Variants in NRXN3 observed in about 807,000 individuals in gnomAD.
The protein encoded by NRXN3 is neurexin 3.
A neutral mutation model predicts 137.6 loss-of-function variants in NRXN3; 32 were observed. The ratio of observed to expected loss-of-function variants is 0.23; its 90% confidence interval spans 0.18 to 0.31. NRXN3 has a LOEUF of 0.31. Among genes scored for constraint, NRXN3 ranks in the 10% least tolerant of loss-of-function variants. The pLI is 1.00. For missense variants in NRXN3, 1,574 were observed against 2,062.5 expected (o/e 0.76, Z 4.59); for synonymous variants, 798 against 784.5 (o/e 1.02, Z -0.29).
chr14:79,389,280 A>G (rs2094758075), intron 15 of NRXN3, among the ~76,000 whole-genome samples: 1 of 152,210 alleles, frequency 6.6e-6, no homozygotes, highest in African/African-American at 2.4e-5. Flanking sequence ...CATCTGGCAA[A>G]GGCTTTCTTG....
At chr14:79,292,442 T>G (rs1482694338) in intron 15 of NRXN3, among the ~76,000 whole-genome samples, 2 of 152,212 alleles carry the variant, frequency 1.3e-5, no homozygotes, top group Non-Finnish European at 2.9e-5. Flanking sequence ...CTTATGATTT[T>G]AGGCAAGCAA....
chr14:79,007,457 CT>C (rs34955421), intron 15 of NRXN3, among the ~76,000 whole-genome samples: 53,692 of 146,320 alleles, frequency 0.37, 10,201 homozygotes, highest in Admixed American at 0.47. Flanking sequence ...AAGTCATGAA[CT>C]TTTTTTTTTT....
intron 4 of NRXN3, among the ~76,000 whole-genome samples, chr14:78,465,437 A>G (rs995576157): frequency 6.6e-5 from 10 of 152,240 alleles, no homozygotes; most frequent in Non-Finnish European, 4.4e-5. Context: ...AACTAGATCT[A>G]TAATATTATC....
At chr14:78,227,101 T>A (rs1368770200) in intron 1 of NRXN3, among the ~76,000 whole-genome samples, 1 of 152,246 alleles carries the variant, frequency 6.6e-6, no homozygotes, top group Admixed American at 6.5e-5. Context: ...GGTACCATGA[T>A]TAATTAATGA....
intron 17 of NRXN3, among the ~76,000 whole-genome samples, chr14:79,668,852 G>T (rs1264245872): frequency 6.6e-6 from 1 of 152,080 alleles, no homozygotes; most frequent in Non-Finnish European, 1.5e-5. Flanking sequence ...CTGACTTAGA[G>T]AAAGTTTCCA....
At chr14:78,680,466 G>T (rs1021396674) in intron 6 of NRXN3, among the ~76,000 whole-genome samples, 1 of 152,154 alleles carries the variant, frequency 6.6e-6, no homozygotes, top group East Asian at 1.9e-4. Flanking sequence ...ACAGGTTCTT[G>T]AGCAGAAACT....
intron 14 of NRXN3, among the ~76,000 whole-genome samples, chr14:78,980,389 T>A (rs1268810066): frequency 6.6e-6 from 1 of 152,184 alleles, no homozygotes; most frequent in African/African-American, 2.4e-5. Context: ...CAAATTGGGG[T>A]GTTTGAGACA....
At chr14:78,978,501 T>C (rs1182688498) in intron 14 of NRXN3, among the ~76,000 whole-genome samples, 5 of 152,014 alleles carry the variant, frequency 3.3e-5, no homozygotes, top group African/African-American at 9.7e-5. Context: ...TTATGTTGTC[T>C]GTAAATGACT....
intron 4 of NRXN3, among the ~76,000 whole-genome samples, chr14:78,433,450 T>A (rs1467552795): frequency 6.6e-6 from 1 of 152,074 alleles, no homozygotes; most frequent in Non-Finnish European, 1.5e-5. Context: ...GTGGCTACTG[T>A]GTTTGAATGT....
chr14:78,173,482 G>A (rs764815178), intron 1 of NRXN3, among the ~76,000 whole-genome samples: 40 of 143,734 alleles, frequency 2.8e-4, no homozygotes, highest in Non-Finnish European at 4.5e-4. Context: ...TCGGGTTGGC[G>A]TCTGGGCATT....
intron 4 of NRXN3, among the ~76,000 whole-genome samples, chr14:78,308,319 G>A (rs1383644208): frequency 2.0e-5 from 3 of 152,056 alleles, no homozygotes; most frequent in African/African-American, 7.2e-5. Context: ...GATTTTCTGT[G>A]ATAGCAGTTA....
At chr14:78,429,875 C>T (rs954880337) in intron 4 of NRXN3, among the ~76,000 whole-genome samples, 1 of 152,164 alleles carries the variant, frequency 6.6e-6, no homozygotes, top group Non-Finnish European at 1.5e-5. Context: ...AGACTTATCC[C>T]CTATGATGAA....
chr14:78,917,721 C>A (rs154377), intron 10 of NRXN3, among the ~76,000 whole-genome samples: 2 of 151,880 alleles, frequency 1.3e-5, no homozygotes, highest in Admixed American at 6.6e-5. Context: ...AGGTGATAGA[C>A]AAAACTGGGG....
At chr14:79,558,068 G>T (rs2097449115) in intron 16 of NRXN3, among the ~76,000 whole-genome samples, 1 of 152,026 alleles carries the variant, frequency 6.6e-6, no homozygotes, top group African/African-American at 2.4e-5. Flanking sequence ...TCCATTCAAG[G>T]TTTCTCATGA....
intron 16 of NRXN3, among the ~76,000 whole-genome samples, chr14:79,612,697 T>C (rs576416022): frequency 6.6e-6 from 1 of 152,186 alleles, no homozygotes; most frequent in African/African-American, 2.4e-5. Flanking sequence ...ATAAAAATTT[T>C]ACAATTAGTC....
intron 1 of NRXN3, among the ~76,000 whole-genome samples, chr14:78,191,240 C>T (rs1482995267): frequency 6.6e-6 from 1 of 152,162 alleles, no homozygotes; most frequent in African/African-American, 2.4e-5. Flanking sequence ...AGAAGCTTTA[C>T]ACATGGTAGT....
At chr14:78,655,950 C>A (rs544763232) in intron 6 of NRXN3, among the ~76,000 whole-genome samples, 10 of 152,174 alleles carry the variant, frequency 6.6e-5, no homozygotes, top group Non-Finnish European at 1.2e-4. Context: ...GATAAGAGTT[C>A]TCTAGGGTCC....
intron 15 of NRXN3, among the ~76,000 whole-genome samples, chr14:79,134,291 A>G (rs745819920): frequency 2.8e-4 from 42 of 152,354 alleles, no homozygotes; most frequent in Non-Finnish European, 3.5e-4. Context: ...ATTTTTCCCT[A>G]TAGTCTGCCT....
At chr14:79,720,912 G>A (rs926163894) in intron 19 of NRXN3, among the ~76,000 whole-genome samples, 19 of 152,196 alleles carry the variant, frequency 1.2e-4, no homozygotes, top group African/African-American at 4.3e-4. Flanking sequence ...AATGATTAAA[G>A]TAGGGAGCAT....
Sources: gnomAD v4.1 joint callset for allele counts (sites outside exome capture counted in the v4.1 genomes callset) on GRCh38, gnomAD v4.1.1 for gene constraint, MANE v1.5 for transcripts, NCBI Gene and HGNC (gene_info 2026-07-23, HGNC 2026-07-21) for gene names.